The following SLC39A11 variants were observed in gnomAD, a reference collection of about 807,000 sequenced individuals.
SLC39A11 encodes the protein zinc transporter ZIP11.
SLC39A11 carries 33 observed loss-of-function variants against 36.1 expected under a neutral mutation model. The ratio of observed to expected loss-of-function variants is 0.91; its 90% CI spans 0.69 to 1.22. SLC39A11 has a LOEUF of 1.22. SLC39A11 is among the 50% of genes most tolerant of loss of function. SLC39A11 has a pLI of 0.00. For synonymous variants in SLC39A11, 166 were observed against 170.3 expected (o/e 0.97, Z 0.20); for missense variants, 432 against 430.3 (o/e 1.00, Z -0.03).
At position 72,842,846 on chromosome 17, in the gene SLC39A11, G is replaced by A. The variant is rs183651159; in HGVS notation, c.601+6788C>T. 3.3e-3 allele frequency among the ~76,000 whole-genome samples: 506 copies of A among 152,226 alleles called. 1 individual carries two copies. The highest frequency in any genetic ancestry group is 0.012 in the African/African-American group (490 of 41,536). ...TGCCTTTTAGTGCTCTTTTTACTGC[G>A]CCTGCCTGCATCTGCTGGTCTGCAT... On this transcript the variant is annotated intron_variant, in intron 6 of 9. Transcript: ENST00000255559.
chr17:73,052,051 C>A (rs545567642), intron 3 of SLC39A11, among the ~76,000 whole-genome samples: 1 of 151,830 alleles, frequency 6.6e-6, no homozygotes, highest in Non-Finnish European at 1.5e-5. Flanking sequence ...GTCGTGAAGA[C>A]AAAATGAGCT....
chr17:72,842,023 T>G (rs1397264198), intron 6 of SLC39A11, among the ~76,000 whole-genome samples: 1 of 151,762 alleles, frequency 6.6e-6, no homozygotes, highest in East Asian at 1.9e-4. Context: ...TGAGCCATGA[T>G]CACACCACTG....
At chr17:72,939,261 A>G (rs558744699) in intron 5 of SLC39A11, among the ~76,000 whole-genome samples, 19 of 152,150 alleles carry the variant, frequency 1.2e-4, no homozygotes, top group Middle Eastern at 3.4e-3. Flanking sequence ...AGGAGTTCGA[A>G]ACCAGCCTGG....
chr17:72,927,187 C>T (rs1337956512), intron 5 of SLC39A11, among the ~76,000 whole-genome samples: 13 of 152,164 alleles, frequency 8.5e-5, no homozygotes, highest in Non-Finnish European at 1.2e-4. Flanking sequence ...GGTGGGACTA[C>T]AGGCGCACAC....
At chr17:73,045,386 TAA>T (rs374832995) in intron 3 of SLC39A11, among the ~76,000 whole-genome samples, 2,709 of 41,544 alleles carry the variant, frequency 0.065, 29 homozygotes, top group Admixed American at 0.1. Flanking sequence ...AAAACAGAGT[TAA>T]AAAAAAAAAA....
At chr17:72,931,968 C>T (rs1435354577) in intron 5 of SLC39A11, among the ~76,000 whole-genome samples, 2 of 152,184 alleles carry the variant, frequency 1.3e-5, no homozygotes, top group Non-Finnish European at 2.9e-5. Flanking sequence ...TCACCACAGA[C>T]ATGCACGTCT....
chr17:72,752,991 G>T (rs1023145569), intron 6 of SLC39A11, among the ~76,000 whole-genome samples: 3 of 152,194 alleles, frequency 2.0e-5, no homozygotes, highest in African/African-American at 4.8e-5. Context: ...GAGTAGCTGG[G>T]ACCACAGATG....
chr17:72,988,219 A>G (rs2088905049), intron 4 of SLC39A11, among the ~76,000 whole-genome samples: 1 of 152,224 alleles, frequency 6.6e-6, no homozygotes. Context: ...TTGGGGGGCC[A>G]AGGCGGGAAG....
chr17:73,062,475 A>AAAAAAAAAAAAAC (rs56021607), intron 3 of SLC39A11, among the ~76,000 whole-genome samples: 1,267 of 84,836 alleles, frequency 0.015, 5 homozygotes, highest in South Asian at 0.023. Flanking sequence ...AAAAAAAAAA[A>AAAAAAAAAAAAAC]AAACTTTAGG....
chr17:72,791,296 A>G (rs766998263), intron 6 of SLC39A11, among the ~76,000 whole-genome samples: 2 of 152,200 alleles, frequency 1.3e-5, no homozygotes, highest in Non-Finnish European at 1.5e-5. Flanking sequence ...CTCTACAAAA[A>G]TACAAAAATT....
chr17:72,905,001 G>A (rs912402999), intron 5 of SLC39A11, among the ~76,000 whole-genome samples: 8 of 150,808 alleles, frequency 5.3e-5, no homozygotes, highest in South Asian at 4.2e-4. Flanking sequence ...GTGAAACCCC[G>A]TCTCTACTAA....
intron 6 of SLC39A11, among the ~76,000 whole-genome samples, chr17:72,814,533 G>A (rs2077524729): frequency 1.3e-5 from 2 of 152,202 alleles, no homozygotes; most frequent in Non-Finnish European, 2.9e-5. Context: ...GAATAGTCCC[G>A]AGGTGAGAAG....
intron 4 of SLC39A11, among the ~76,000 whole-genome samples, chr17:73,020,804 T>C (rs187921261): frequency 2.9e-4 from 42 of 147,094 alleles, no homozygotes; most frequent in Non-Finnish European, 5.2e-4. Flanking sequence ...TGCCCCAGCC[T>C]CCCGAGTAGC....
intron 6 of SLC39A11, among the ~76,000 whole-genome samples, chr17:72,813,260 C>T (rs747372398): frequency 4.1e-4 from 62 of 152,176 alleles, no homozygotes; most frequent in African/African-American, 1.3e-3. Flanking sequence ...CAAACCCTAA[C>T]GGATGGAGAA....
chr17:72,685,382 T>C (rs191021805), intron 7 of SLC39A11, among the ~76,000 whole-genome samples: 278 of 149,662 alleles, frequency 1.9e-3, no homozygotes, highest in African/African-American at 6.9e-3. Context: ...GGAGGGGCGG[T>C]TGAGGGCAAA....
intron 7 of SLC39A11, among the ~76,000 whole-genome samples, chr17:72,649,672 C>T (rs1381635149): frequency 3.6e-5 from 5 of 137,474 alleles, no homozygotes; most frequent in African/African-American, 8.3e-5. Flanking sequence ...GATGGAGTCT[C>T]GCTCTGGAGA....
intron 3 of SLC39A11, among the ~76,000 whole-genome samples, chr17:73,037,094 T>C (rs1038165992): frequency 6.6e-6 from 1 of 152,220 alleles, no homozygotes; most frequent in African/African-American, 2.4e-5. Context: ...TAATATTCTA[T>C]TGTCTGGATG....
At chr17:73,049,372 G>A (rs1296598286) in intron 3 of SLC39A11, among the ~76,000 whole-genome samples, 2 of 150,774 alleles carry the variant, frequency 1.3e-5, no homozygotes, top group Non-Finnish European at 3.0e-5. Context: ...GGGCGGATGC[G>A]CCTTCCAGGG....
At chr17:73,072,066 G>A (rs2060177988) in intron 3 of SLC39A11, among the ~76,000 whole-genome samples, 1 of 152,202 alleles carries the variant, frequency 6.6e-6, no homozygotes, top group African/African-American at 2.4e-5. Flanking sequence ...AAGAGTCACT[G>A]CAACTTCAGA....
Sources: gnomAD v4.1 joint callset for allele counts (sites outside exome capture counted in the v4.1 genomes callset) on GRCh38, gnomAD v4.1.1 for gene constraint, MANE v1.5 for transcripts, NCBI Gene and HGNC (gene_info 2026-07-23, HGNC 2026-07-21) for gene names.